The following KHDC1 variants were observed in gnomAD, a reference collection of about 807,000 sequenced individuals.
The protein encoded by KHDC1 is KH domain containing 1, also known as KH homology domain-containing protein 1.
In KHDC1, 21 loss-of-function variants were observed where a neutral mutation model predicts 24.7. The observed-to-expected ratio is 0.85, with a 90% CI of 0.60 to 1.23. The LOEUF (loss-of-function observed/expected upper bound fraction) is 1.23, where lower values mean the gene tolerates loss of function less well. Ranked by LOEUF, KHDC1 falls within the 50% of genes most tolerant of loss-of-function variation. The pLI is 0.00. For synonymous variants in KHDC1, 98 were observed against 111.7 expected, an observed-to-expected ratio of 0.88 and a Z score of 0.77; for missense variants, 274 against 298.5, an observed-to-expected ratio of 0.92 and a Z score of 0.61.
intron 2 of KHDC1, among the ~76,000 whole-genome samples, chr6:73,249,501 C>T (rs1321834178): frequency 6.6e-6 from 1 of 152,158 alleles, no homozygotes; most frequent in Non-Finnish European, 1.5e-5. Flanking sequence ...TAGTTATGCA[C>T]AATCTTGGTA....
chr6:73,254,637 A>G (rs569261919), intron 2 of KHDC1, among the ~76,000 whole-genome samples: 1 of 152,244 alleles, frequency 6.6e-6, no homozygotes, highest in South Asian at 2.1e-4. Flanking sequence ...TGCTATCTAT[A>G]CAGAAAAAAG....
exon 1 of KHDC1, chr6:73,309,990 C>A (rs1341877281): frequency 7.3e-6 from 3 of 413,606 alleles, no homozygotes; most frequent in Non-Finnish European, 1.3e-5. Context: ...GGTCACCAAA[C>A]AACGGTGATA....
chr6:73,261,836 C>T (rs113351379), intron 2 of KHDC1, among the ~76,000 whole-genome samples: 5 of 150,636 alleles, frequency 3.3e-5, no homozygotes, highest in East Asian at 2.0e-4. Context: ...CACTTGAACC[C>T]GGGAGATAGA....
At chr6:73,265,817 T>C (rs1299746466) in intron 2 of KHDC1, among the ~76,000 whole-genome samples, 1 of 152,142 alleles carries the variant, frequency 6.6e-6, no homozygotes, top group Non-Finnish European at 1.5e-5. Context: ...TTGGGTGCAG[T>C]GGCTCATACC....
Position 73,309,405 on chromosome 6 carries a change from T to G in KHDC1, c.163+147A>C, listed in dbSNP as rs545097684. 157 of 762,342 alleles carry G rather than the reference T, an allele frequency of 2.1e-4. 1 individual carries two copies. In the African/African-American group the frequency reaches 2.6e-3, roughly 13 times the overall value. The allele number at this position is 762,342 out of a possible 1,614,324, so 47.2% of individuals were successfully genotyped here. ...CAAACCAGGAGGCACACCCAGGGTT[T>G]TTTTTAACATGGTGATTTGCAGAAC... On this transcript the variant is annotated intron_variant, in intron 1 of 4. Transcript: ENST00000370384.
intron 2 of KHDC1, chr6:73,275,490 C>T (rs1417989684): frequency 6.0e-6 from 1 of 167,196 alleles, no homozygotes; most frequent in Non-Finnish European, 1.5e-5. Flanking sequence ...CTTTTGCATA[C>T]TTGCCTCACT....
intron 2 of KHDC1, among the ~76,000 whole-genome samples, chr6:73,272,775 C>A (rs72949741): frequency 6.7e-6 from 1 of 149,234 alleles, no homozygotes; most frequent in Admixed American, 6.7e-5. Context: ...GACTCCATCC[C>A]GGGGGGGAAA....
chr6:73,309,648 C>T (rs1186945372), exon 1 of KHDC1: 2 of 1,550,146 alleles, frequency 1.3e-6, no homozygotes. Flanking sequence ...AAGATCAGGA[C>T]TCCGTATTCT....
exon 4 of KHDC1, chr6:73,242,150 G>A: frequency 1.2e-6 from 2 of 1,614,168 alleles, no homozygotes; most frequent in South Asian, 2.2e-5. Flanking sequence ...AGTCACACGA[G>A]TCTGGCCTGT....
Position 73,242,159 on chromosome 6 carries a change from G to A in KHDC1, c.410C>T (p.Thr137Ile), listed in dbSNP as rs150130213. 215 of 1,614,172 alleles carry A rather than the reference G, an allele frequency of 1.3e-4. No individual in the cohort carries two copies. The African/African-American group carries it at 2.6e-3, about 20-fold the overall frequency. Residue 137 changes from threonine (T) to isoleucine (I), a missense_variant, in exon 4 of 5, where the codon ACA becomes ATA. Coordinates refer to ENST00000370384, the Ensembl canonical transcript of KHDC1. Reference sequence around the variant, plus strand: ...GACTACAGTCACACGAGTCTGGCCTGTAGCTGTGAACCAACTCTCCAGCTG... The same window carrying A: ...GACTACAGTCACACGAGTCTGGCCTATAGCTGTGAACCAACTCTCCAGCTG...
At chr6:73,288,024 A>G (rs1221296338) in intron 2 of KHDC1, among the ~76,000 whole-genome samples, 1 of 152,210 alleles carries the variant, frequency 6.6e-6, no homozygotes, top group African/African-American at 2.4e-5. Flanking sequence ...AATCAAATCC[A>G]GTATTACATC....
chr6:73,287,062 G>A (rs1454225491), intron 2 of KHDC1, among the ~76,000 whole-genome samples: 3 of 152,062 alleles, frequency 2.0e-5, no homozygotes, highest in South Asian at 2.1e-4. Flanking sequence ...GAAAAGGCTC[G>A]GAAAAGTGAG....
chr6:73,251,927 A>AG (rs1299848835), intron 2 of KHDC1, among the ~76,000 whole-genome samples: 3 of 151,728 alleles, frequency 2.0e-5, no homozygotes, highest in Admixed American at 6.6e-5. Flanking sequence ...CCTCCTGAGT[A>AG]GCCCAGGCTG....
chr6:73,293,160 G>A, intron 1 of KHDC1: 5 of 745,176 alleles, frequency 6.7e-6, no homozygotes, highest in Non-Finnish European at 1.2e-5. Flanking sequence ...TGATTGAAAA[G>A]ACCAAAAGCC....
chr6:73,247,873 A>G (rs988304672), intron 2 of KHDC1, among the ~76,000 whole-genome samples: 28 of 151,374 alleles, frequency 1.8e-4, no homozygotes, highest in South Asian at 6.3e-4. Flanking sequence ...AAAAAAAAAA[A>G]AGAGAGAGAG....
chr6:73,263,967 A>G (rs1767034423), intron 2 of KHDC1, among the ~76,000 whole-genome samples: 1 of 152,180 alleles, frequency 6.6e-6, no homozygotes, highest in African/African-American at 2.4e-5. Context: ...GGGAGGCCAA[A>G]GAGCAAGGAT....
chr6:73,271,031 G>A (rs1004524615), intron 2 of KHDC1, among the ~76,000 whole-genome samples: 3 of 151,920 alleles, frequency 2.0e-5, no homozygotes, highest in Admixed American at 1.3e-4. Flanking sequence ...TATTTTCATC[G>A]TTAATTAGTA....
chr6:73,290,656 T>C (rs1767632537), intron 2 of KHDC1: 1 of 488,234 alleles, frequency 2.0e-6, no homozygotes, highest in Admixed American at 2.2e-5. Flanking sequence ...GAATACTAGC[T>C]AGTGGGCTGT....
chr6:73,256,075 G>T (rs375161522), intron 2 of KHDC1, among the ~76,000 whole-genome samples: 7 of 152,026 alleles, frequency 4.6e-5, no homozygotes, highest in Admixed American at 1.3e-4. Context: ...AATCAAAGTG[G>T]ATTACTTTCC....
Sources: allele counts gnomAD v4.1 joint callset (sites outside exome capture counted in the v4.1 genomes callset), GRCh38; gene constraint gnomAD v4.1.1; transcripts MANE v1.5; gene names NCBI Gene and HGNC (gene_info 2026-07-23, HGNC 2026-07-21).